ITPR1: variants seen among roughly 807,000 people sequenced by gnomAD.
The protein encoded by ITPR1 is inositol 1,4,5-trisphosphate receptor type 1.
A neutral mutation model predicts 318.4 loss-of-function variants in ITPR1; 96 were observed. The observed-to-expected ratio is 0.30, with a 90% confidence interval of 0.26 to 0.36. ITPR1 has a LOEUF of 0.36. ITPR1 is among the 10% of genes least tolerant of loss of function. ITPR1 has a pLI of 1.00. For synonymous variants in ITPR1, 1,312 were observed against 1,289.9 expected (o/e 1.02, Z -0.37); for missense variants, 2,440 against 3,460.2 (o/e 0.71, Z 7.40).
chr3:4,620,813 G>A (rs2639801), intron 4 of ITPR1, among the ~76,000 whole-genome samples: 76,358 of 151,374 alleles, frequency 0.5, 23,560 homozygotes, highest in Non-Finnish European at 0.7. Flanking sequence ...AATTTGAATC[G>A]GGAGATTGGG....
In ITPR1 at chr3:4,639,434, G is replaced by T. The variant is rs911533187; in HGVS notation, c.330G>T (p.Leu110Phe). 5 of 1,582,266 alleles carry T rather than the reference G, an allele frequency of 3.2e-6. No individual in the cohort carries two copies. Among genetic ancestry groups the T allele is most frequent in the Non-Finnish European group, 4.3e-6 (5 of 1,163,852 alleles). ...KKQNETENRKLLGTVIQYGNV... is the reference protein window; with the variant it reads ...KKQNETENRKFLGTVIQYGNV... ...AGAATGAGACAGAAAACAGGAAATT[G>T]CTGGGGACCGTAATCCAGTATGGCA... The change falls in exon 6 of 62, where the codon TTG becomes TTT. Residue 110 changes from leucine (L) to phenylalanine (F), a missense_variant. Coordinates refer to ENST00000649015, the MANE Select transcript of ITPR1 (RefSeq NM_001378452.1).
At chr3:4,702,727 T>C in intron 35 of ITPR1, 103 bp from the exon 36 acceptor site, 1 of 1,247,452 alleles carries the variant, frequency 8.0e-7, no homozygotes, top group East Asian at 2.5e-5. Context: ...GTCTCTGATC[T>C]GGGGTCCAGT....
chr3:4,670,112 G>A (rs1466242455), intron 19 of ITPR1, among the ~76,000 whole-genome samples: 1 of 152,202 alleles, frequency 6.6e-6, no homozygotes, highest in Non-Finnish European at 1.5e-5. Context: ...AATATTCAGT[G>A]TTAAGATTAA....
chr3:4,574,383 G>T (rs1304735879), intron 4 of ITPR1, among the ~76,000 whole-genome samples: 1 of 152,122 alleles, frequency 6.6e-6, no homozygotes, highest in African/African-American at 2.4e-5. Flanking sequence ...TGCCGGAAAT[G>T]GATTTTAAAG....
At chr3:4,825,893 C>A (rs1048175114) in intron 60 of ITPR1, 1 of 414,144 alleles carries the variant, frequency 2.4e-6, no homozygotes, top group Non-Finnish European at 4.8e-6. Flanking sequence ...AGAGTAAGGA[C>A]CTAGGTTTGG....
intron 58 of ITPR1, 48 bp downstream of exon 58, chr3:4,814,610 G>A: frequency 8.2e-7 from 1 of 1,219,772 alleles, no homozygotes; most frequent in Non-Finnish European, 1.2e-6. Flanking sequence ...CGGGTGGGGT[G>A]GTTGGTGGGA....
At chr3:4,520,555 A>G (rs558588964) in intron 3 of ITPR1, among the ~76,000 whole-genome samples, 1 of 151,142 alleles carries the variant, frequency 6.6e-6, no homozygotes, top group Admixed American at 6.6e-5. Context: ...TTCTGGCTGT[A>G]TTTTTTTTTC....
intron 5 of ITPR1, among the ~76,000 whole-genome samples, chr3:4,634,989 C>T (rs554476381): frequency 2.5e-4 from 38 of 152,334 alleles, no homozygotes; most frequent in African/African-American, 6.7e-4. Context: ...GTGATCTGCC[C>T]GCCTCAGCCT....
chr3:4,586,682 A>G (rs375139506), intron 4 of ITPR1, among the ~76,000 whole-genome samples: 20 of 143,016 alleles, frequency 1.4e-4, no homozygotes, highest in African/African-American at 5.2e-4. Flanking sequence ...CTAATTTTTT[A>G]ATTTTCTGGA....
chr3:4,828,938 T>G (rs2050256373), intron 60 of ITPR1, among the ~76,000 whole-genome samples: 1 of 152,156 alleles, frequency 6.6e-6, no homozygotes, highest in African/African-American at 2.4e-5. Context: ...ATCCCTAAAA[T>G]TTTTATCCCA....
intron 33 of ITPR1, among the ~76,000 whole-genome samples, chr3:4,696,668 C>G (rs137862504): frequency 8.0e-6 from 1 of 125,512 alleles, no homozygotes; most frequent in Non-Finnish European, 1.6e-5. Context: ...AGCCCCTTGC[C>G]GTGTGTTTTT....
intron 61 of ITPR1, among the ~76,000 whole-genome samples, chr3:4,844,560 T>G (rs899571458): frequency 2.6e-5 from 4 of 152,250 alleles, no homozygotes; most frequent in African/African-American, 9.6e-5. Context: ...ACATCTGAAC[T>G]ATCAGGTAGT....
rs761616155 is a variant in ITPR1, at chr3:4,671,048, G to GA, written c.2204+128dup. The GA allele has an allele frequency of 3.0e-4, 217 of 712,100 alleles. 1 individual carries two copies. The highest frequency in any genetic ancestry group is 4.4e-4 in the Non-Finnish European group (202 of 460,820). The allele number at this position is 712,100 out of a possible 1,614,324, so 44.1% of individuals were successfully genotyped here. A position where few individuals can be genotyped will look rare whatever the true frequency, so the allele number is the denominator to read the frequency against. ...AGGAGTCATCTTGTAAGATTGTCTA[G>GA]AAAAAAGCCAGATGTGTGTTTTAGG... is the stretch of plus-strand genomic sequence containing the variant. On this transcript the variant is annotated intron_variant, in intron 20 of 61. Transcript: ENST00000649015.
chr3:4,684,066 A>G (rs1199441374), intron 28 of ITPR1, among the ~76,000 whole-genome samples: 1 of 152,230 alleles, frequency 6.6e-6, no homozygotes, highest in Non-Finnish European at 1.5e-5. Context: ...CCCACTTGGG[A>G]ATTGACCTGT....
chr3:4,571,948 C>T (rs1171904321), intron 4 of ITPR1, among the ~76,000 whole-genome samples: 1 of 152,140 alleles, frequency 6.6e-6, no homozygotes, highest in African/African-American at 2.4e-5. Flanking sequence ...TTGTGTGGCT[C>T]AAGCACCTAC....
At chr3:4,736,295 T>C (rs2043265250) in intron 44 of ITPR1, among the ~76,000 whole-genome samples, 1 of 152,252 alleles carries the variant, frequency 6.6e-6, no homozygotes, top group Non-Finnish European at 1.5e-5. Context: ...GGCCTTGAAC[T>C]GAAATTCGGA....
At chr3:4,546,061 T>A (rs2084965188) in intron 4 of ITPR1, among the ~76,000 whole-genome samples, 1 of 152,188 alleles carries the variant, frequency 6.6e-6, no homozygotes, top group Non-Finnish European at 1.5e-5. Flanking sequence ...AGAACAACTT[T>A]AGAGGTTCGG....
chr3:4,645,334 G>A (rs1175025449), intron 8 of ITPR1, 53 bp from the exon 9 acceptor site: 38 of 1,234,390 alleles, frequency 3.1e-5, no homozygotes, highest in Non-Finnish European at 4.3e-5. Flanking sequence ...GGGGCTGGAT[G>A]ACACAGTTGT....
intron 2 of ITPR1, among the ~76,000 whole-genome samples, chr3:4,495,616 CTT>C (rs1285237021): frequency 2.0e-5 from 3 of 152,192 alleles, no homozygotes; most frequent in Non-Finnish European, 4.4e-5. Context: ...TCCACAGACT[CTT>C]TTCTAACTGG....
Sources: gnomAD v4.1 joint callset for allele counts (sites outside exome capture counted in the v4.1 genomes callset) on GRCh38, gnomAD v4.1.1 for gene constraint, MANE v1.5 for transcripts, NCBI Gene and HGNC (gene_info 2026-07-23, HGNC 2026-07-21) for gene names.